Variants in EVI5L observed in about 807,000 individuals in gnomAD.
EVI5L encodes the protein EVI5-like protein.
A neutral mutation model predicts 106.1 loss-of-function variants in EVI5L; 30 were observed. The ratio of observed to expected loss-of-function variants is 0.28; its 90% CI spans 0.21 to 0.38. The LOEUF (loss-of-function observed/expected upper bound fraction) is 0.38. Among genes scored for constraint, EVI5L ranks in the 10% least tolerant of loss-of-function variants. The probability of loss-of-function intolerance (pLI) is 1.00; values close to 1 mark genes in which losing one functional copy is unlikely to be tolerated. For missense variants in EVI5L, 809 were observed against 1,098.0 expected (o/e 0.74, Z 3.72); for synonymous variants, 489 against 483.3 (o/e 1.01, Z -0.15).
rs762800225 is a variant in EVI5L, at chr19:7,862,532, A to G, written c.1945A>G (p.Lys649Glu). Reference protein sequence around the residue: ...SRRKQAEAECKSKEEVMAVRL... With the variant: ...SRRKQAEAECESKEEVMAVRL... The stretch of plus-strand genomic sequence containing the variant: ...CCGCAAGCAGGCCGAGGCCGAGTGC[A>G]AGGTGCAGACCCCCGCGGCCCCGCC... The change falls in exon 17 of 20, where the codon AAG (lysine) becomes GAG (glutamate). Residue 649 changes from lysine (K) to glutamate (E), a missense_variant and splice_region_variant. By Grantham distance (56) the Lys-to-Glu change is moderately conservative. Around this residue, in one of 2 missense-constraint regions of EVI5L, gnomAD observed 452 missense variants for 509.9 expected, o/e 0.89. Transcript: ENST00000538904. The G allele has an allele frequency of 3.9e-6, 6 of 1,523,810 alleles. No homozygotes were observed. The highest frequency in any genetic ancestry group is 2.1e-5 in the Admixed American group (1 of 47,610). 94.4% of individuals were successfully genotyped at this position (1,523,810 alleles called of 1,614,324 possible).
chr19:7,847,661 G>A (rs1979018870), intron 2 of EVI5L, 71 bp from the exon 3 acceptor site: 3 of 1,532,392 alleles, frequency 2.0e-6, no homozygotes, highest in Non-Finnish European at 2.7e-6. Flanking sequence ...GGGGGAGGAT[G>A]GGCTGGGCTC....
intron 10 of EVI5L, chr19:7,853,601 A>G: frequency 1.8e-6 from 1 of 552,122 alleles, no homozygotes; most frequent in Admixed American, 3.1e-5. Context: ...AGCAATCAAT[A>G]AACCACTGAA....
At chr19:7,862,826 C>T (rs1239985701) in intron 17 of EVI5L, 146 bp from the exon 18 acceptor site, 4 of 492,888 alleles carry the variant, frequency 8.1e-6, no homozygotes, top group East Asian at 3.9e-5. Flanking sequence ...CCCTTGCCCG[C>T]GGTCCCGCCC....
chr19:7,856,108 GGT>G lies in EVI5L; in HGVS notation c.1200+44_1200+45del, dbSNP rs1979508182. ...CACTGTGAGGACATGGTCGCCATGG[GGT>G]GTGACCCACCATGCGGGGCATGGCC... On this transcript the variant is annotated intron_variant, in intron 11 of 19. Transcript: ENST00000538904. The surrounding 1 kb of genome is among the most constrained non-coding windows in gnomAD (Gnocchi z 6.6). 5 of 1,314,736 alleles carry G rather than the reference GGT, an allele frequency of 3.8e-6. No individual in the cohort carries two copies. Among genetic ancestry groups the G allele is most frequent in the Non-Finnish European group, 4.9e-6 (5 of 1,021,780 alleles). The allele number at this position is 1,314,736 out of a possible 1,614,324, so 81.4% of individuals were successfully genotyped here.
At chr19:7,839,835 A>T (rs568689765) in intron 1 of EVI5L, among the ~76,000 whole-genome samples, 74 of 152,288 alleles carry the variant, frequency 4.9e-4, no homozygotes, top group African/African-American at 1.7e-3. Flanking sequence ...AGGTGGGAGG[A>T]TCACTTGAGG....
In EVI5L at chr19:7,848,833, G is replaced by A. The variant is rs1869242031; in HGVS notation, c.328-88G>A. 2.4e-6 allele frequency: 3 copies of A among 1,272,226 alleles called. No individual in the cohort carries two copies. Among genetic ancestry groups the A allele is most frequent in the Non-Finnish European group, 3.3e-6 (3 of 907,656 alleles). The allele number at this position is 1,272,226 out of a possible 1,614,324, so 78.8% of individuals were successfully genotyped here. Reference sequence around the variant, plus strand: ...TCTGTGCCATGCTTGAGGCCTGGATGAGCCACGCCTGAGGAGCTGGGCTGG... The same window carrying A: ...TCTGTGCCATGCTTGAGGCCTGGATAAGCCACGCCTGAGGAGCTGGGCTGG... On this transcript the variant is annotated intron_variant, in intron 3 of 19. Coordinates refer to ENST00000538904, the MANE Select transcript of EVI5L (RefSeq NM_001159944.3). This position sits in a 1 kb window ranked among gnomAD's most constrained non-coding sequence, Gnocchi z 4.8.
chr19:7,842,618 T>A (rs1978681166), intron 1 of EVI5L, among the ~76,000 whole-genome samples: 1 of 151,714 alleles, frequency 6.6e-6, no homozygotes, highest in Non-Finnish European at 1.5e-5. Context: ...GTGTATCAAG[T>A]GTGTGCGTGT....
At chr19:7,861,771 C>T (rs1373204137) in intron 14 of EVI5L, 107 bp from the exon 15 acceptor site, 4 of 1,421,226 alleles carry the variant, frequency 2.8e-6, no homozygotes, top group Non-Finnish European at 2.8e-6. Context: ...CCATCTGAGC[C>T]GCCCAAGGCA....
chr19:7,843,924 C>T (rs538194173), intron 1 of EVI5L, among the ~76,000 whole-genome samples: 1 of 152,106 alleles, frequency 6.6e-6, no homozygotes, highest in East Asian at 1.9e-4. Context: ...GTTCCTGCCT[C>T]TCAGACTGCA....
rs1484562714 is a variant in EVI5L, at chr19:7,848,023, G to A, written c.327+102G>A. The A allele has an allele frequency of 7.9e-7, 1 of 1,273,750 alleles. No homozygotes were observed. Among genetic ancestry groups the A allele is most frequent in the East Asian group, 2.6e-5 (1 of 39,204 alleles). The allele number at this position is 1,273,750 out of a possible 1,614,324, so 78.9% of individuals were successfully genotyped here. A position where few individuals can be genotyped will look rare whatever the true frequency, so the allele number is the denominator to read the frequency against. On this transcript the variant is annotated intron_variant, in intron 3 of 19. Transcript: ENST00000538904. This position sits in a 1 kb window ranked among gnomAD's most constrained non-coding sequence, Gnocchi z 4.8. Reference sequence around the variant, plus strand: ...CCAGGGTCTGCGGGGCCCCAGCCTGGGCACAGCGGCAGCAGTGGAGATGTG... The same window carrying A: ...CCAGGGTCTGCGGGGCCCCAGCCTGAGCACAGCGGCAGCAGTGGAGATGTG...
chr19:7,843,160 A>G (rs1025652665), intron 1 of EVI5L, among the ~76,000 whole-genome samples: 1 of 136,570 alleles, frequency 7.3e-6, no homozygotes, highest in African/African-American at 2.9e-5. Flanking sequence ...GCGAATAGGC[A>G]TGGGTGTGTG....
chr19:7,859,522 A>T (rs1274100454), intron 13 of EVI5L, among the ~76,000 whole-genome samples: 1 of 152,164 alleles, frequency 6.6e-6, no homozygotes, highest in Non-Finnish European at 1.5e-5. Context: ...GGAGAAGGAG[A>T]GCTTCACTGT....
chr19:7,853,033 C>T (rs12975442), intron 8 of EVI5L, 53 bp from the exon 9 acceptor site: 607,672 of 1,601,368 alleles, frequency 0.38, 121,828 homozygotes, highest in South Asian at 0.65. Context: ...GGGCGGCCCC[C>T]GGTGGTCAGG....
In EVI5L at chr19:7,862,429, G is replaced by A. The variant is rs1979857223; in HGVS notation, c.1842G>A (p.Glu614=). The change falls in exon 17 of 20, where the codon GAG becomes GAA. Residue 614 remains glutamate (E), a synonymous_variant. Coordinates refer to ENST00000538904, the MANE Select transcript of EVI5L (RefSeq NM_001159944.3). Reference sequence around the variant, plus strand: ...ACCTTCTGAACCGCGTGGAGGCGGAGCGCGCGGCGCTGCAGGAGAAGCTGC... The same window carrying A: ...ACCTTCTGAACCGCGTGGAGGCGGAACGCGCGGCGCTGCAGGAGAAGCTGC... ...HRNLLNRVEA[E]RAALQEKLQY... 6.2e-7 allele frequency: 1 copy of A among 1,610,286 alleles called. No homozygotes were observed. Among genetic ancestry groups the A allele is most frequent in the Admixed American group, 1.7e-5 (1 of 59,712 alleles).
Position 7,857,489 on chromosome 19 carries a change from C to A in EVI5L, c.1233+365C>A. On this transcript the variant is annotated intron_variant, in intron 12 of 19. Transcript: ENST00000538904. This position sits in a 1 kb window ranked among gnomAD's most constrained non-coding sequence, Gnocchi z 4.5. ...GCTGCGGTCACACACACACACAACA[C>A]ATGCACACACACACACGCACACACA... 2 of 440,716 alleles carry A rather than the reference C, an allele frequency of 4.5e-6. No homozygotes were observed. Among genetic ancestry groups the A allele is most frequent in the Non-Finnish European group, 4.2e-6 (1 of 237,604 alleles). 27.3% of individuals were successfully genotyped at this position (440,716 alleles called of 1,614,324 possible). A position where few individuals can be genotyped will look rare whatever the true frequency, so the allele number is the denominator to read the frequency against.
At chr19:7,847,961 T>G (rs1979039684) in intron 3 of EVI5L, 40 bp downstream of exon 3, 3 of 1,509,022 alleles carry the variant, frequency 2.0e-6, no homozygotes, top group Admixed American at 2.2e-5. Context: ...GCCGACGGCG[T>G]GGGCAGGTGG....
In EVI5L at chr19:7,853,100, G is replaced by A. The variant is rs1979338229; in HGVS notation, c.1002G>A (p.Val334=). Residue 334 remains valine (V), a synonymous_variant, in exon 9 of 20, where the codon GTG becomes GTA. Coordinates refer to ENST00000538904, the MANE Select transcript of EVI5L (RefSeq NM_001159944.3). ...MEGMSQYFQR[V]IPHQFDSCPD... is the part of the protein sequence containing the mutation. ...TGTCCCCACAGTACTTCCAGAGAGT[G>A]ATCCCCCACCAGTTCGACAGCTGCC... is the stretch of plus-strand genomic sequence containing the variant. The A allele has an allele frequency of 3.7e-6, 6 of 1,613,804 alleles. No individual in the cohort carries two copies. Among genetic ancestry groups the A allele is most frequent in the Non-Finnish European group, 5.1e-6 (6 of 1,180,012 alleles).
intron 1 of EVI5L, among the ~76,000 whole-genome samples, chr19:7,842,733 G>A (rs1255048862): frequency 1.3e-5 from 2 of 151,110 alleles, no homozygotes; most frequent in East Asian, 1.9e-4. Flanking sequence ...TGTGTATTGT[G>A]TGCATGTGTG....
intron 1 of EVI5L, among the ~76,000 whole-genome samples, chr19:7,844,051 A>T (rs1399153166): frequency 6.6e-6 from 1 of 151,990 alleles, no homozygotes; most frequent in Non-Finnish European, 1.5e-5. Context: ...GGGGATTTTT[A>T]AAATCAGAAA....
Sources: gnomAD v4.1 joint callset for allele counts (sites outside exome capture counted in the v4.1 genomes callset) on GRCh38, gnomAD v4.1.1 for gene constraint, gnomAD v4.1.1 regional missense constraint, Gnocchi (gnomAD v3.1) non-coding constraint, MANE v1.5 for transcripts, NCBI Gene and HGNC (gene_info 2026-07-23, HGNC 2026-07-21) for gene names.